PCDH15: variants seen among roughly 807,000 people sequenced by gnomAD.
PCDH15 encodes the protein protocadherin-15.
In PCDH15, 129 loss-of-function variants were observed where a neutral mutation model predicts 178.5. The ratio of observed to expected loss-of-function variants is 0.72; its 90% CI spans 0.63 to 0.84. The LOEUF is 0.84. PCDH15 is among the 40% of genes least tolerant of loss of function. The pLI is 0.00. For missense variants in PCDH15, 2,230 were observed against 2,099.9 expected (o/e 1.06, Z -1.21); for synonymous variants, 800 against 732.0 (o/e 1.09, Z -1.50).
intron 32 of PCDH15, chr10:53,822,166 G>A: frequency 6.2e-7 from 1 of 1,614,014 alleles, no homozygotes; most frequent in Non-Finnish European, 8.5e-7. Flanking sequence ...TTCTCGGCAG[G>A]CATCAAGTTG....
chr10:54,622,464 A>C (rs929116927), intron 2 of PCDH15, among the ~76,000 whole-genome samples: 9 of 144,930 alleles, frequency 6.2e-5, no homozygotes, highest in African/African-American at 2.1e-4. Flanking sequence ...GTTTTATGTC[A>C]TTTGTCCTAA....
intron 2 of PCDH15, among the ~76,000 whole-genome samples, chr10:54,953,373 C>T (rs915635093): frequency 2.6e-5 from 4 of 151,342 alleles, no homozygotes; most frequent in African/African-American, 9.7e-5. Context: ...ATAAATCCCA[C>T]TTTGCTGTAG....
intron 23 of PCDH15, among the ~76,000 whole-genome samples, chr10:53,951,694 G>A (rs1026490208): frequency 3.9e-5 from 6 of 152,226 alleles, no homozygotes; most frequent in Admixed American, 3.9e-4. Flanking sequence ...TTTTCCAGTA[G>A]GAAGCCTCTG....
chr10:55,177,149 G>A (rs1477291771), intron 1 of PCDH15, among the ~76,000 whole-genome samples: 2 of 152,118 alleles, frequency 1.3e-5, no homozygotes, highest in African/African-American at 2.4e-5. Context: ...GCAAAGAAAA[G>A]ATTAAGCTCA....
chr10:54,272,517 G>A (rs2058110033), intron 8 of PCDH15, among the ~76,000 whole-genome samples: 1 of 64,024 alleles, frequency 1.6e-5, no homozygotes, highest in Non-Finnish European at 3.3e-5. Context: ...GAGGAAGAGG[G>A]GTACTTTTTG....
chr10:54,947,680 C>T (rs1488777543), intron 2 of PCDH15, among the ~76,000 whole-genome samples: 2 of 151,868 alleles, frequency 1.3e-5, no homozygotes, highest in African/African-American at 4.8e-5. Context: ...TCAAATGAAA[C>T]TCAGCTTTCT....
chr10:54,192,753 G>A (rs888881346), intron 11 of PCDH15, among the ~76,000 whole-genome samples: 1 of 152,012 alleles, frequency 6.6e-6, no homozygotes, highest in Non-Finnish European at 1.5e-5. Context: ...TTTAGAAAGG[G>A]GGTGAGTCTA....
intron 2 of PCDH15, chr10:55,506,309 A>G (rs1840757993): frequency 6.6e-6 from 1 of 151,528 alleles, no homozygotes; most frequent in African/African-American, 2.4e-5. Flanking sequence ...TGTGTTGAGT[A>G]TTAGATTTCT....
chr10:54,744,974 C>A (rs1459225285), intron 1 of PCDH15, among the ~76,000 whole-genome samples: 2 of 151,776 alleles, frequency 1.3e-5, no homozygotes, highest in Non-Finnish European at 2.9e-5. Context: ...TTGCAAAGGC[C>A]CCCCACCAGT....
chr10:55,033,215 G>A (rs922400554), intron 2 of PCDH15, among the ~76,000 whole-genome samples: 2 of 152,116 alleles, frequency 1.3e-5, no homozygotes, highest in Non-Finnish European at 2.9e-5. Context: ...GGGGCAGGGG[G>A]ACAGCTACAT....
At chr10:55,240,359 A>T (rs1592012984) in intron 1 of PCDH15, among the ~76,000 whole-genome samples, 1 of 152,178 alleles carries the variant, frequency 6.6e-6, no homozygotes, top group East Asian at 1.9e-4. Flanking sequence ...TCTACTCAAC[A>T]ATTGTGCCCT....
At chr10:55,318,833 C>CA (rs1209484878) in intron 1 of PCDH15, among the ~76,000 whole-genome samples, 1 of 152,046 alleles carries the variant, frequency 6.6e-6, no homozygotes, top group Non-Finnish European at 1.5e-5. Flanking sequence ...CAAGAAAACT[C>CA]AAAGAAACTT....
At position 54,004,654 on chromosome 10, in the gene PCDH15, G is replaced by A. The variant is rs923990250; in HGVS notation, c.2752-8889C>T. 3.3e-5 allele frequency among the ~76,000 whole-genome samples: 5 copies of A among 152,018 alleles called. No individual in the cohort carries two copies. The East Asian group carries it at 7.7e-4, about 24-fold the overall frequency. ...TAAAACATGGATTCAAGAAAATGAA[G>A]AGAACACAAAAGAATGAAAAGATAT... is the stretch of plus-strand genomic sequence containing the variant. On this transcript the variant is annotated intron_variant, in intron 20 of 37. Transcript: ENST00000644397.
At chr10:54,694,973 A>G (rs1331530667) in intron 1 of PCDH15, among the ~76,000 whole-genome samples, 6 of 150,352 alleles carry the variant, frequency 4.0e-5, no homozygotes, top group Admixed American at 2.7e-4. Flanking sequence ...GCAAAGGAAA[A>G]GTTCTTGAGG....
chr10:55,082,572 A>G (rs1842069151), intron 2 of PCDH15, among the ~76,000 whole-genome samples: 1 of 119,626 alleles, frequency 8.4e-6, no homozygotes, highest in Non-Finnish European at 1.6e-5. Flanking sequence ...GAAATAGGTG[A>G]AATTGAAATG....
At chr10:54,199,570 C>CAACAATAATAAT (rs142287657) in intron 10 of PCDH15, among the ~76,000 whole-genome samples, 28,473 of 142,290 alleles carry the variant, frequency 0.2, 3,784 homozygotes, top group Non-Finnish European at 0.29. Flanking sequence ...ACAACAACAA[C>CAACAATAATAAT]AATAATAATA....
chr10:53,948,339 G>T (rs181563774), intron 23 of PCDH15, among the ~76,000 whole-genome samples: 3 of 152,072 alleles, frequency 2.0e-5, no homozygotes, highest in African/African-American at 4.8e-5. Flanking sequence ...TAGTGAGACC[G>T]AGTGTACAGG....
Position 54,132,905 on chromosome 10 carries a change from C to T in PCDH15, c.1887G>A (p.Met629Ile), listed in dbSNP as rs1402205629. The change falls in exon 15 of 38, where the codon ATG becomes ATA. Residue 629 changes from methionine to isoleucine, a missense_variant. Physicochemically the swap from Met to Ile is conservative, Grantham distance 10. Transcript: ENST00000644397. The part of the protein sequence containing the change: ...LMYSLEISEA[M>I]RVGAVLLNLQ... ...GATTTAATAAAACAGCACCAACCCT[C>T]ATGGCTTCACTAATTTCAAGGCTAT... The T allele has an allele frequency of 1.2e-6, 2 of 1,613,914 alleles. No individual in the cohort carries two copies. Among genetic ancestry groups the T allele is most frequent in the Admixed American group, 1.7e-5 (1 of 59,994 alleles).
At chr10:55,540,338 T>C (rs145681021) in intron 2 of PCDH15, among the ~76,000 whole-genome samples, 1,550 of 152,128 alleles carry the variant, frequency 0.01, 18 homozygotes, top group Non-Finnish European at 0.016. Context: ...ATAGATGAAA[T>C]ATCTCCATCT....
Sources: allele counts gnomAD v4.1 joint callset (sites outside exome capture counted in the v4.1 genomes callset), GRCh38; gene constraint gnomAD v4.1.1; transcripts MANE v1.5; gene names NCBI Gene and HGNC (gene_info 2026-07-23, HGNC 2026-07-21).